Variants in SLC18A1 observed in about 807,000 individuals in gnomAD.
SLC18A1 encodes chromaffin granule amine transporter.
In SLC18A1, 69 loss-of-function variants were observed where a neutral mutation model predicts 53.7. The observed-to-expected ratio is 1.28, with a 90% CI of 1.06 to 1.57. The LOEUF is 1.57. Among genes scored for constraint, SLC18A1 ranks in the 40% most tolerant of loss-of-function variants. The probability of loss-of-function intolerance (pLI) is 0.00; values close to 1 mark genes in which losing one functional copy is unlikely to be tolerated. For missense variants in SLC18A1, 932 were observed against 668.1 expected (o/e 1.40, Z -4.35); for synonymous variants, 320 against 248.1 (o/e 1.29, Z -2.72).
chr8:20,178,525 A>C, intron 3 of SLC18A1, 32 bp from the exon 4 acceptor site: 1 of 1,530,648 alleles, frequency 6.5e-7, no homozygotes, highest in Non-Finnish European at 8.9e-7. Flanking sequence ...AAAAGATACA[A>C]TTCCAACAGG....
chr8:20,179,043 C>T, intron 3 of SLC18A1, 78 bp downstream of exon 3: 1 of 1,498,872 alleles, frequency 6.7e-7, no homozygotes, highest in Non-Finnish European at 8.9e-7. Context: ...CTTCTTTTTC[C>T]CTTCCAACCC....
chr8:20,180,957 C>G lies in SLC18A1; in HGVS notation c.8G>C (p.Arg3Pro). ...CCGCTGGGGAGCATCCAGAATGGTCCGGAGCATGGTGATGGCCGGACTGGG... is the reference window on the plus strand; with the variant it reads ...CCGCTGGGGAGCATCCAGAATGGTCGGGAGCATGGTGATGGCCGGACTGGG... MLRTILDAPQRLL... is the reference protein window; with the variant it reads MLPTILDAPQRLL... The change falls in exon 2 of 16, where the codon CGG becomes CCG. Residue 3 changes from arginine to proline, a missense_variant. By Grantham distance (103) the Arg-to-Pro change is moderately radical (BLOSUM62 -2). Transcript: ENST00000276373. The G allele has an allele frequency of 1.3e-6, 2 of 1,572,140 alleles. No homozygotes were observed. Among genetic ancestry groups the G allele is most frequent in the South Asian group, 2.3e-5 (2 of 86,030 alleles).
At chr8:20,148,104 C>A (rs755456153) in intron 12 of SLC18A1, 34 bp from the exon 13 acceptor site, 15 of 1,597,972 alleles carry the variant, frequency 9.4e-6, no homozygotes, top group Non-Finnish European at 1.3e-5. Context: ...CATCAGGACT[C>A]CAGATGGGTC....
In SLC18A1 at chr8:20,147,997, C is replaced by A; in HGVS notation, c.1210+10G>T. The A allele has an allele frequency of 1.2e-6, 2 of 1,613,748 alleles. No homozygotes were observed. Among genetic ancestry groups the A allele is most frequent in the Non-Finnish European group, 1.7e-6 (2 of 1,179,788 alleles). ...AGGGGCTTATTGTTTTCTTTGAGGGCACTTCTTACCTATGGCAAGGCCAAG... is the reference window on the plus strand; with the variant it reads ...AGGGGCTTATTGTTTTCTTTGAGGGAACTTCTTACCTATGGCAAGGCCAAG... On this transcript the variant is annotated intron_variant, in intron 13 of 15. Coordinates refer to ENST00000276373, the MANE Select transcript of SLC18A1 (RefSeq NM_003053.4).
At chr8:20,176,285 A>T (rs557537906) in intron 4 of SLC18A1, among the ~76,000 whole-genome samples, 1 of 152,040 alleles carries the variant, frequency 6.6e-6, no homozygotes, top group South Asian at 2.1e-4. Flanking sequence ...TTCCTCTCTC[A>T]TCTCTGCACA....
At chr8:20,174,473 C>A in intron 4 of SLC18A1, 29 bp from the exon 5 acceptor site, 1 of 1,552,142 alleles carries the variant, frequency 6.4e-7, no homozygotes, top group South Asian at 1.1e-5. Flanking sequence ...AAGATAACTG[C>A]AGTTAGCAAA....
intron 10 of SLC18A1, among the ~76,000 whole-genome samples, chr8:20,164,160 C>T (rs936366982): frequency 6.6e-6 from 1 of 152,172 alleles, no homozygotes; most frequent in African/African-American, 2.4e-5. Flanking sequence ...TAAGCCTCTC[C>T]TCCCTGCAGT....
chr8:20,146,693 A>G (rs1051269840), intron 15 of SLC18A1, among the ~76,000 whole-genome samples: 3 of 152,096 alleles, frequency 2.0e-5, no homozygotes, highest in Non-Finnish European at 4.4e-5. Context: ...ACATGGTGGT[A>G]CATGCCTGTA....
chr8:20,173,243 T>A (rs1307292597), intron 5 of SLC18A1, 115 bp from the exon 6 acceptor site: 6 of 755,684 alleles, frequency 7.9e-6, no homozygotes, highest in African/African-American at 7.0e-5. Flanking sequence ...GAGTTTCAGT[T>A]TGAGGGGTTT....
intron 12 of SLC18A1, among the ~76,000 whole-genome samples, chr8:20,149,460 G>A (rs1465147740): frequency 6.6e-6 from 1 of 151,988 alleles, no homozygotes; most frequent in African/African-American, 2.4e-5. Flanking sequence ...GCAGCTGGTG[G>A]CCTCTTCCCC....
At chr8:20,169,403 A>G (rs977497236) in intron 8 of SLC18A1, among the ~76,000 whole-genome samples, 1 of 152,130 alleles carries the variant, frequency 6.6e-6, no homozygotes, top group Non-Finnish European at 1.5e-5. Flanking sequence ...AAATTAGACT[A>G]AAGTATTATA....
At chr8:20,165,820 T>C (rs1460677298) in intron 8 of SLC18A1, among the ~76,000 whole-genome samples, 1 of 152,132 alleles carries the variant, frequency 6.6e-6, no homozygotes, top group Non-Finnish European at 1.5e-5. Flanking sequence ...GGCTCCTTCT[T>C]TTCTAGAGAG....
intron 4 of SLC18A1, among the ~76,000 whole-genome samples, chr8:20,177,517 A>G (rs185863527): frequency 1.3e-5 from 2 of 152,334 alleles, no homozygotes; most frequent in Non-Finnish European, 2.9e-5. Flanking sequence ...GAGGGATAGC[A>G]TTAGGAGATA....
chr8:20,171,502 G>A lies in SLC18A1; in HGVS notation c.725-8C>T, dbSNP rs769058755. On this transcript the variant is annotated splice_polypyrimidine_tract_variant and splice_region_variant and intron_variant, in intron 6 of 15. Transcript: ENST00000276373. ...TTCCAAAGGGAGCTCCCACTGGAGA[G>A]GCATAGGAGACACAGATTCCAGAGG... 3 of 1,608,256 alleles carry A rather than the reference G, an allele frequency of 1.9e-6. No individual in the cohort carries two copies. The highest frequency in any genetic ancestry group is 1.3e-5 in the African/African-American group (1 of 74,886).
At chr8:20,149,806 C>G (rs1441558924) in intron 11 of SLC18A1, 79 bp from the exon 12 acceptor site, 2 of 1,363,506 alleles carry the variant, frequency 1.5e-6, no homozygotes, top group Non-Finnish European at 2.1e-6. Context: ...CCATGCTGAC[C>G]TGTCCCACCA....
intron 4 of SLC18A1, among the ~76,000 whole-genome samples, chr8:20,176,840 G>A (rs1489291338): frequency 1.3e-5 from 2 of 152,088 alleles, no homozygotes; most frequent in Non-Finnish European, 2.9e-5. Context: ...TAAAAGTAAA[G>A]CTTTTAACAC....
intron 10 of SLC18A1, among the ~76,000 whole-genome samples, chr8:20,163,334 T>A (rs2128873698): frequency 6.6e-6 from 1 of 152,308 alleles, no homozygotes; most frequent in African/African-American, 2.4e-5. Context: ...CACTGGGGAT[T>A]CAATTTGCAA....
In SLC18A1 at chr8:20,179,306, T is replaced by C. The variant is rs17222225; in HGVS notation, c.303A>G (p.Ala101=). The change falls in exon 3 of 16, where the codon GCA becomes GCG. Residue 101 remains alanine, a synonymous_variant. Transcript: ENST00000276373. The part of the protein sequence containing the change: ...AVEESVPSGI[A]WMNDTASTIP... ...TGGTGCTGGCAGTGTCATTCATCCA[T>C]GCTATTCCACTAGGTACGCTTTCTT... is the stretch of plus-strand genomic sequence containing the variant. 2 of 1,614,218 alleles carry C rather than the reference T, an allele frequency of 1.2e-6. No individual in the cohort carries two copies. Among genetic ancestry groups the C allele is most frequent in the East Asian group, 2.2e-5 (1 of 44,878 alleles).
At chr8:20,171,061 A>G in intron 8 of SLC18A1, 42 bp downstream of exon 8, 2 of 1,602,894 alleles carry the variant, frequency 1.2e-6, no homozygotes, top group Non-Finnish European at 8.5e-7. Context: ...GCATTCAGCC[A>G]TCCTGTATAA....
Sources: allele counts gnomAD v4.1 joint callset (sites outside exome capture counted in the v4.1 genomes callset), GRCh38; gene constraint gnomAD v4.1.1; transcripts MANE v1.5; gene names NCBI Gene and HGNC (gene_info 2026-07-23, HGNC 2026-07-21).